FAR1: variants seen among roughly 807,000 people sequenced by gnomAD.
The protein encoded by FAR1 is fatty acyl-CoA reductase 1.
FAR1 carries 22 observed loss-of-function variants against 61.1 expected under a neutral mutation model. The observed-to-expected ratio is 0.36, with a 90% CI of 0.26 to 0.51. FAR1 has a LOEUF of 0.51. FAR1 is among the 20% of genes least tolerant of loss of function. The pLI, the probability that FAR1 is intolerant of heterozygous loss-of-function variation, is 0.95. For missense variants in FAR1, 359 were observed against 626.9 expected (o/e 0.57, Z 4.56); for synonymous variants, 206 against 209.7 (o/e 0.98, Z 0.15).
chr11:13,670,873 A>G (rs1007745113), intron 1 of FAR1, among the ~76,000 whole-genome samples: 1 of 152,206 alleles, frequency 6.6e-6, no homozygotes, highest in East Asian at 1.9e-4. Context: ...GCCCACTACC[A>G]TATTTCCAGT....
chr11:13,699,726 C>T (rs1231949212), intron 2 of FAR1, among the ~76,000 whole-genome samples: 4 of 152,138 alleles, frequency 2.6e-5, no homozygotes, highest in African/African-American at 9.7e-5. Context: ...GTTTAATGTT[C>T]AGCTTAAATC....
At chr11:13,708,457 A>G (rs1357795045) in intron 4 of FAR1, among the ~76,000 whole-genome samples, 11 of 146,380 alleles carry the variant, frequency 7.5e-5, no homozygotes, top group South Asian at 2.2e-4. Flanking sequence ...GCACACACAC[A>G]CACACACACA....
chr11:13,694,490 A>G (rs940349306), intron 1 of FAR1, among the ~76,000 whole-genome samples: 1 of 152,196 alleles, frequency 6.6e-6, no homozygotes, highest in African/African-American at 2.4e-5. Context: ...TTTAGTACAA[A>G]TTGTACCAAA....
At position 13,680,572 on chromosome 11, in the gene FAR1, C is replaced by G. The variant is rs551715296; in HGVS notation, c.-8+11766C>G. 1.6e-4 allele frequency among the ~76,000 whole-genome samples: 25 copies of G among 152,270 alleles called. 1 individual carries two copies. The highest frequency in any genetic ancestry group is 6.8e-3 in the Middle Eastern group (2 of 294). On this transcript the variant is annotated intron_variant, in intron 1 of 11. Transcript: ENST00000354817. ...ATGAGGGCCTCAGGAGGCTTCCACT[C>G]CTGGTGTAAGGTGAAGGGGAGCAGG...
rs1002040379 is a variant in FAR1 at position 13,729,608 on chromosome 11, C to T, written c.*834C>T. ...TTTATGTTTTGAAGCAGGAGGATTT[C>T]TTGAGATTTGATGGAAGTGGGAGTT... On this transcript the variant is annotated 3_prime_UTR_variant, in exon 12 of 12. Transcript: ENST00000354817. 2 of 151,878 alleles carry T rather than the reference C, an allele frequency of 1.3e-5. No homozygotes were observed. The highest frequency in any genetic ancestry group is 2.9e-5 in the Non-Finnish European group (2 of 67,838). 9.4% of individuals were successfully genotyped at this position (151,878 alleles called of 1,614,324 possible).
At chr11:13,697,220 G>A (rs1848316920) in intron 2 of FAR1, among the ~76,000 whole-genome samples, 1 of 152,126 alleles carries the variant, frequency 6.6e-6, no homozygotes. Context: ...AGCACTTTGG[G>A]AGGCCACGGC....
intron 1 of FAR1, among the ~76,000 whole-genome samples, chr11:13,678,489 C>T (rs1278983909): frequency 6.6e-6 from 1 of 152,176 alleles, no homozygotes; most frequent in East Asian, 1.9e-4. Context: ...CGGTCTCGAT[C>T]TCCTGACCTT....
rs1405065259 is a variant in FAR1 at position 13,731,763 on chromosome 11, A to G, written c.*2989A>G. On this transcript the variant is annotated 3_prime_UTR_variant, in exon 12 of 12. Coordinates refer to ENST00000354817, the MANE Select transcript of FAR1 (RefSeq NM_032228.6). Reference sequence around the variant, plus strand: ...TTCTGTTTTCTAAAAAGAGTAACCAAGATACCTCCAGGGTGTCATTGGGTT... The same window carrying G: ...TTCTGTTTTCTAAAAAGAGTAACCAGGATACCTCCAGGGTGTCATTGGGTT... 6.6e-6 allele frequency: 1 copy of G among 152,196 alleles called. No homozygotes were observed. Among genetic ancestry groups the G allele is most frequent in the Non-Finnish European group, 1.5e-5 (1 of 68,034 alleles). 9.4% of individuals were successfully genotyped at this position (152,196 alleles called of 1,614,324 possible). A position where few individuals can be genotyped will look rare whatever the true frequency, so the allele number is the denominator to read the frequency against.
chr11:13,691,948 A>G (rs1848254853), intron 1 of FAR1, among the ~76,000 whole-genome samples: 1 of 152,172 alleles, frequency 6.6e-6, no homozygotes, highest in South Asian at 2.1e-4. Flanking sequence ...TGGGTGGATC[A>G]CTTGAGGTCA....
chr11:13,711,275 A>C (rs1848495942), intron 5 of FAR1, among the ~76,000 whole-genome samples: 1 of 152,124 alleles, frequency 6.6e-6, no homozygotes, highest in South Asian at 2.1e-4. Flanking sequence ...AGAAATATAA[A>C]CCAGTTGGGT....
intron 11 of FAR1, among the ~76,000 whole-genome samples, chr11:13,728,284 C>G (rs1848686639): frequency 6.6e-6 from 1 of 151,700 alleles, no homozygotes; most frequent in Non-Finnish European, 1.5e-5. Context: ...TCCACTTGGC[C>G]TTTGATCTTG....
At chr11:13,671,667 A>G (rs1848006129) in intron 1 of FAR1, among the ~76,000 whole-genome samples, 1 of 152,210 alleles carries the variant, frequency 6.6e-6, no homozygotes, top group Non-Finnish European at 1.5e-5. Flanking sequence ...CCTTCCAAAT[A>G]TTATCTCATC....
At chr11:13,724,447 G>A (rs1848648023) in intron 10 of FAR1, among the ~76,000 whole-genome samples, 1 of 151,766 alleles carries the variant, frequency 6.6e-6, no homozygotes, top group African/African-American at 2.4e-5. Flanking sequence ...CTACTTGGGA[G>A]GCTGAGGTGG....
rs367836077 is a variant in FAR1 at position 13,724,698 on chromosome 11, T to C, written c.1257+2839T>C. ...ATTTAACCTAACATATAATCAAAAA[T>C]ATTGTTTGAACATATCAAAAACCTA... On this transcript the variant is annotated intron_variant, in intron 10 of 11. Transcript: ENST00000354817. Among the ~76,000 whole-genome samples, 7 of 152,174 alleles carry C rather than the reference T, an allele frequency of 4.6e-5. No homozygotes were observed. The East Asian group carries it at 1.2e-3, about 25-fold the overall frequency.
At chr11:13,678,899 A>G (rs903376382) in intron 1 of FAR1, among the ~76,000 whole-genome samples, 1 of 152,220 alleles carries the variant, frequency 6.6e-6, no homozygotes, top group Non-Finnish European at 1.5e-5. Flanking sequence ...GAAGGCAGCC[A>G]TAAGAAAGTG....
chr11:13,679,942 G>A (rs1423652692), intron 1 of FAR1, among the ~76,000 whole-genome samples: 1 of 151,982 alleles, frequency 6.6e-6, no homozygotes, highest in Non-Finnish European at 1.5e-5. Flanking sequence ...GTGCCTTGGG[G>A]GGAAGTATTG....
intron 1 of FAR1, among the ~76,000 whole-genome samples, chr11:13,691,913 A>G (rs1269651702): frequency 6.6e-6 from 1 of 152,188 alleles, no homozygotes; most frequent in Non-Finnish European, 1.5e-5. Flanking sequence ...CATGCCAGTA[A>G]TCCTAGCACT....
intron 1 of FAR1, among the ~76,000 whole-genome samples, chr11:13,673,300 C>T (rs549553171): frequency 3.3e-5 from 5 of 152,236 alleles, no homozygotes; most frequent in African/African-American, 7.2e-5. Context: ...TGAGAGGAAA[C>T]GATATTAATG....
chr11:13,702,402 C>T (rs1333947068), intron 3 of FAR1, among the ~76,000 whole-genome samples: 2 of 151,954 alleles, frequency 1.3e-5, no homozygotes, highest in Admixed American at 6.6e-5. Context: ...AAAGTAACAC[C>T]TATAAGAAAT....
Sources: gnomAD v4.1 joint callset for allele counts (sites outside exome capture counted in the v4.1 genomes callset) on GRCh38, gnomAD v4.1.1 for gene constraint, MANE v1.5 for transcripts, NCBI Gene and HGNC (gene_info 2026-07-23, HGNC 2026-07-21) for gene names.